The following CEP350 variants were observed in gnomAD, a reference collection of about 807,000 sequenced individuals.
CEP350 encodes the protein centrosome-associated protein 350.
CEP350 carries 126 observed loss-of-function variants against 331.8 expected under a neutral mutation model. The ratio of observed to expected loss-of-function variants is 0.38; its 90% CI spans 0.33 to 0.44. CEP350 has a LOEUF of 0.44. CEP350 is among the 20% of genes least tolerant of loss of function. The pLI is 1.00. For missense variants in CEP350, 3,406 were observed against 3,634.6 expected, an observed-to-expected ratio of 0.94 and a Z score of 1.62; for synonymous variants, 1,200 against 1,259.5, an observed-to-expected ratio of 0.95 and a Z score of 1.00.
In CEP350 at chr1:180,012,137, G is replaced by C. The variant is rs531346168; in HGVS notation, c.1393+62G>C. On this transcript the variant is annotated intron_variant, in intron 9 of 37. Coordinates refer to ENST00000367607, the MANE Select transcript of CEP350 (RefSeq NM_014810.5). ...TAAAAATTGCTATTAAGTACTTAGAGAAGGAAAAAGTACTCTTAAGAATGT... is the reference window on the plus strand; with the variant it reads ...TAAAAATTGCTATTAAGTACTTAGACAAGGAAAAAGTACTCTTAAGAATGT... 37 of 1,370,420 alleles carry C rather than the reference G, an allele frequency of 2.7e-5. No homozygotes were observed. The African/African-American group carries it at 5.5e-4, about 20-fold the overall frequency. 84.9% of individuals were successfully genotyped at this position (1,370,420 alleles called of 1,614,324 possible).
intron 23 of CEP350, 34 bp from the exon 24 acceptor site, chr1:180,053,716 T>A: frequency 7.4e-7 from 1 of 1,349,322 alleles, no homozygotes; most frequent in Non-Finnish European, 1.0e-6. Flanking sequence ...AAAGGTTAGA[T>A]GATGATAAAC....
chr1:179,974,177 T>C (rs974735510), intron 1 of CEP350, among the ~76,000 whole-genome samples: 12 of 152,258 alleles, frequency 7.9e-5, no homozygotes, highest in African/African-American at 2.4e-4. Context: ...CCTCTCGGGT[T>C]CATGCCATTC....
intron 8 of CEP350, among the ~76,000 whole-genome samples, chr1:180,009,273 G>A (rs1244580935): frequency 6.6e-6 from 1 of 152,198 alleles, no homozygotes; most frequent in South Asian, 2.1e-4. Context: ...GCCTCCCAAA[G>A]TTTTGGGATT....
intron 27 of CEP350, among the ~76,000 whole-genome samples, chr1:180,071,597 T>G (rs1658901535): frequency 6.6e-6 from 1 of 151,854 alleles, no homozygotes; most frequent in African/African-American, 2.4e-5. Context: ...GCCAACATGG[T>G]GAAACCCTGT....
At chr1:180,108,602 G>T (rs1257309849) in intron 37 of CEP350, among the ~76,000 whole-genome samples, 2 of 152,154 alleles carry the variant, frequency 1.3e-5, no homozygotes, top group Non-Finnish European at 2.9e-5. Context: ...AATTTTTTGT[G>T]CACACACCTA....
rs375785313 is a variant in CEP350, at chr1:180,041,974, G to T, written c.4362+172G>T. Among the ~76,000 whole-genome samples the T allele has an allele frequency of 5.3e-5, 8 of 152,238 alleles. No homozygotes were observed. The East Asian group carries it at 1.5e-3, about 29-fold the overall frequency. On this transcript the variant is annotated intron_variant, in intron 19 of 37. Transcript: ENST00000367607. ...GAGGCACCATTGATTGGAGTGTGTT[G>T]TACATGTGATTGAATGTTATAGAGG... is the stretch of plus-strand genomic sequence containing the variant.
At chr1:180,076,209 A>C (rs183449963) in intron 28 of CEP350, among the ~76,000 whole-genome samples, 296 of 152,122 alleles carry the variant, frequency 1.9e-3, no homozygotes, top group Admixed American at 4.4e-3. Flanking sequence ...ATAGTTCTTT[A>C]CTTTTCCATA....
Position 180,087,645 on chromosome 1 carries a change from C to T in CEP350, c.6353C>T (p.Ala2118Val), listed in dbSNP as rs1285501484. ...LSQDLETSPT[A>V]KPQIKTLSSA... ...CAAGATTTGGAAACATCACCAACAGCCAAGCCTCAGATTAAAACGCTCTCC... is the reference window on the plus strand; with the variant it reads ...CAAGATTTGGAAACATCACCAACAGTCAAGCCTCAGATTAAAACGCTCTCC... The change falls in exon 32 of 38, where the codon GCC (alanine) becomes GTC (valine). Residue 2118 changes from alanine to valine, a missense_variant. Around this residue, in one of 5 missense-constraint regions of CEP350, gnomAD observed 1,415 missense variants for 1,512.3 expected, o/e 0.94. Transcript: ENST00000367607. The T allele has an allele frequency of 1.3e-6, 2 of 1,567,046 alleles. No individual in the cohort carries two copies. Among genetic ancestry groups the T allele is most frequent in the Admixed American group, 3.7e-5 (2 of 53,522 alleles).
At chr1:180,052,217 T>C (rs1178766907) in intron 22 of CEP350, 1 of 454,298 alleles carries the variant, frequency 2.2e-6, no homozygotes, top group African/African-American at 2.0e-5. Flanking sequence ...TTCTTTCTTT[T>C]TTTAAGAGAC....
At chr1:179,965,618 T>TC (rs1553249459) in intron 1 of CEP350, among the ~76,000 whole-genome samples, 5 of 114,860 alleles carry the variant, frequency 4.4e-5, no homozygotes, top group Admixed American at 1.7e-4. Flanking sequence ...TTCTTTTCTT[T>TC]TTTTTTTTTT....
intron 7 of CEP350, among the ~76,000 whole-genome samples, chr1:180,003,807 A>G (rs1348556421): frequency 3.3e-5 from 5 of 152,142 alleles, no homozygotes; most frequent in Admixed American, 3.3e-4. Context: ...CTTGGGCAAG[A>G]TGCTGAGTGG....
chr1:180,110,903 G>A, intron 37 of CEP350, 94 bp from the exon 38 acceptor site: 2 of 1,032,992 alleles, frequency 1.9e-6, no homozygotes, highest in East Asian at 2.4e-5. Context: ...TCCTTGGGCT[G>A]TATTCCTATG....
chr1:180,096,824 G>A (rs910915244), intron 36 of CEP350, among the ~76,000 whole-genome samples: 4 of 152,132 alleles, frequency 2.6e-5, no homozygotes, highest in African/African-American at 7.2e-5. Flanking sequence ...GTTTCTTTAC[G>A]GCAAAGGTTA....
chr1:180,107,408 C>A (rs1260482668), intron 37 of CEP350, among the ~76,000 whole-genome samples: 1 of 152,216 alleles, frequency 6.6e-6, no homozygotes. Context: ...CACGGTGGCT[C>A]ACCTAATCCT....
Position 180,014,189 on chromosome 1 carries a change from A to T in CEP350, c.1736A>T (p.Asn579Ile), listed in dbSNP as rs140144136. 1.9e-6 allele frequency: 3 copies of T among 1,609,746 alleles called. No homozygotes were observed. The highest frequency in any genetic ancestry group is 2.7e-5 in the African/African-American group (2 of 74,872). The change falls in exon 10 of 38, where the codon AAT (asparagine) becomes ATT (isoleucine). Residue 579 changes from asparagine (N) to isoleucine (I), a missense_variant. Transcript: ENST00000367607. ...VKRKPDKITANEDPPVISKRR... is the reference protein window; with the variant it reads ...VKRKPDKITAIEDPPVISKRR... ...AGAAAACCTGACAAAATAACAGCTAATGAAGATCCCCCTGTTATTTCCAAA... is the reference window on the plus strand; with the variant it reads ...AGAAAACCTGACAAAATAACAGCTATTGAAGATCCCCCTGTTATTTCCAAA...
At chr1:180,072,348 T>G (rs1297583070) in intron 27 of CEP350, among the ~76,000 whole-genome samples, 1 of 152,210 alleles carries the variant, frequency 6.6e-6, no homozygotes, top group East Asian at 1.9e-4. Context: ...TTTTTAAAGT[T>G]TATTTCACGT....
Position 180,020,851 on chromosome 1 carries a change from A to T in CEP350, c.3077A>T (p.Glu1026Val), listed in dbSNP as rs1655280488. Residue 1026 changes from glutamate to valine, a missense_variant, in exon 12 of 38, where the codon GAA (glutamate) becomes GTA (valine). Glu to Val is a moderately radical substitution (Grantham distance 121). This residue lies in a region of CEP350 where 1,857 missense variants were observed against 1,909.2 expected (regional missense o/e 0.97). Transcript: ENST00000367607. ...TGTCCTGGAGAAAGAAATAGTTATG[A>T]ACCCATCAAAGAGTTTCAGAAAGAA... Reference protein sequence around the residue: ...EFCPGERNSYEPIKEFQKEAE... With the variant: ...EFCPGERNSYVPIKEFQKEAE... 1.2e-6 allele frequency: 2 copies of T among 1,613,728 alleles called. No individual in the cohort carries two copies. The highest frequency in any genetic ancestry group is 3.3e-5 in the Admixed American group (2 of 59,974).
rs1029390400 is a variant in CEP350 at position 179,997,037 on chromosome 1, G to C, written c.880G>C (p.Glu294Gln). 6 of 1,613,950 alleles carry C rather than the reference G, an allele frequency of 3.7e-6. No homozygotes were observed. The highest frequency in any genetic ancestry group is 5.1e-6 in the Non-Finnish European group (6 of 1,179,884). ...KLKERIRKQWEHSEETNGRGQ... is the reference protein window; with the variant it reads ...KLKERIRKQWQHSEETNGRGQ... ...TAAGGAACGGATTAGAAAACAGTGG[G>C]AACACTCAGAAGAAACAAATGGCCG... is the stretch of plus-strand genomic sequence containing the variant. Residue 294 changes from glutamate (E) to glutamine (Q), a missense_variant, in exon 6 of 38, where the codon GAA becomes CAA. By Grantham distance (29) the Glu-to-Gln change is conservative (BLOSUM62 2). Coordinates refer to ENST00000367607, the MANE Select transcript of CEP350 (RefSeq NM_014810.5).
At chr1:180,037,691 C>T in intron 17 of CEP350, among the ~76,000 whole-genome samples, 1 of 151,988 alleles carries the variant, frequency 6.6e-6, no homozygotes, top group Non-Finnish European at 1.5e-5. Flanking sequence ...TCACCGTTGC[C>T]CAGGCTGGAG....
Sources: allele counts gnomAD v4.1 joint callset (sites outside exome capture counted in the v4.1 genomes callset), GRCh38; gene constraint gnomAD v4.1.1; regional missense constraint gnomAD v4.1.1; transcripts MANE v1.5; gene names NCBI Gene and HGNC (gene_info 2026-07-23, HGNC 2026-07-21).